Variants in PCDHA9 observed in about 807,000 individuals in gnomAD.
The protein encoded by PCDHA9 is protocadherin alpha-9.
In PCDHA9, 62 loss-of-function variants were observed where a neutral mutation model predicts 62.0. The ratio of observed to expected loss-of-function variants is 1.00; its 90% CI spans 0.81 to 1.23. PCDHA9 has a LOEUF of 1.23. Ranked by LOEUF, PCDHA9 falls within the 50% of genes most tolerant of loss-of-function variation. PCDHA9 has a pLI of 0.00. For synonymous variants in PCDHA9, 557 were observed against 567.6 expected, an observed-to-expected ratio of 0.98 and a Z score of 0.27; for missense variants, 1,205 against 1,249.8, an observed-to-expected ratio of 0.96 and a Z score of 0.54.
intron 1 of PCDHA9, chr5:140,858,229 G>A (rs1335853818): frequency 6.3e-7 from 1 of 1,596,360 alleles, no homozygotes. Context: ...CGCCCACCGA[G>A]GGCGCATGTG....
chr5:140,859,508 T>G (rs1298997050), intron 1 of PCDHA9: 1 of 197,594 alleles, frequency 5.1e-6, no homozygotes, highest in Non-Finnish European at 1.0e-5. Context: ...CTGATACCCA[T>G]GATTTCATTT....
chr5:140,937,511 G>A (rs569896730), intron 1 of PCDHA9, among the ~76,000 whole-genome samples: 2 of 152,166 alleles, frequency 1.3e-5, no homozygotes, highest in Non-Finnish European at 2.9e-5. Context: ...CAGCTACTCA[G>A]GAGGCTGAGG....
In PCDHA9 at chr5:140,922,223, C is replaced by T. The variant is rs115262412; in HGVS notation, c.2395-56726C>T. 8.0e-3 allele frequency among the ~76,000 whole-genome samples: 1,216 copies of T among 152,128 alleles called. 6 individuals are homozygous for T. Among genetic ancestry groups the T allele is most frequent in the African/African-American group, 0.019 (784 of 41,508 alleles). ...ATGAAACTTTGTAAAACATTTGAAC[C>T]TCAACCATGATGTGTATGAAGATAA... On this transcript the variant is annotated intron_variant, in intron 1 of 3. Transcript: ENST00000532602.
intron 1 of PCDHA9, among the ~76,000 whole-genome samples, chr5:140,872,990 A>C (rs987650775): frequency 6.6e-6 from 1 of 152,184 alleles, no homozygotes; most frequent in African/African-American, 2.4e-5. Context: ...AAGATCATTT[A>C]CTTCTGAGTC....
chr5:140,927,933 C>G (rs1273187123), intron 1 of PCDHA9: 2 of 1,614,208 alleles, frequency 1.2e-6, no homozygotes, highest in East Asian at 4.5e-5. Context: ...CTCTTTCGAA[C>G]CCAGTACCTG....
chr5:140,903,415 A>T (rs1303652958), intron 1 of PCDHA9, among the ~76,000 whole-genome samples: 1 of 152,238 alleles, frequency 6.6e-6, no homozygotes, highest in East Asian at 1.9e-4. Flanking sequence ...GTCAGGAAAA[A>T]TTCAGCACAA....
chr5:140,885,525 A>G (rs1206570848), intron 1 of PCDHA9, among the ~76,000 whole-genome samples: 4 of 152,128 alleles, frequency 2.6e-5, no homozygotes, highest in Admixed American at 6.6e-5. Flanking sequence ...ATCATTTCAT[A>G]TATTTCCCAA....
intron 1 of PCDHA9, chr5:140,870,719 C>A (rs782257127): frequency 1.9e-6 from 3 of 1,613,084 alleles, no homozygotes; most frequent in Admixed American, 3.3e-5. Flanking sequence ...GCGCGCGATG[C>A]GGGCGTGCCG....
At chr5:140,870,161 CCTT>C in intron 1 of PCDHA9, 2 of 1,614,124 alleles carry the variant, frequency 1.2e-6, no homozygotes, top group Non-Finnish European at 1.7e-6. Flanking sequence ...GCCGTGACTT[CCTT>C]GTCCCTCCCA....
At chr5:140,985,020 C>G (rs1361661147) in intron 3 of PCDHA9, among the ~76,000 whole-genome samples, 1 of 152,110 alleles carries the variant, frequency 6.6e-6, no homozygotes, top group Non-Finnish European at 1.5e-5. Flanking sequence ...TCACAGCAAC[C>G]TCTGCCTCCT....
At chr5:140,992,208 A>G (rs2097499240) in intron 3 of PCDHA9, among the ~76,000 whole-genome samples, 1 of 152,150 alleles carries the variant, frequency 6.6e-6, no homozygotes, top group African/African-American at 2.4e-5. Context: ...AATCAGATAA[A>G]CTACTCTCCC....
At chr5:140,971,632 A>G (rs1228797401) in intron 1 of PCDHA9, among the ~76,000 whole-genome samples, 2 of 152,158 alleles carry the variant, frequency 1.3e-5, no homozygotes, top group Admixed American at 6.5e-5. Context: ...AATTAGTACC[A>G]TGTGCCTACA....
At chr5:140,916,978 C>T (rs907014572) in intron 1 of PCDHA9, among the ~76,000 whole-genome samples, 13 of 152,270 alleles carry the variant, frequency 8.5e-5, no homozygotes, top group South Asian at 2.1e-4. Context: ...ATGAGTGATT[C>T]GCCTCTGGCC....
intron 1 of PCDHA9, among the ~76,000 whole-genome samples, chr5:140,959,857 T>G (rs1287315295): frequency 1.3e-5 from 2 of 152,204 alleles, no homozygotes; most frequent in African/African-American, 2.4e-5. Flanking sequence ...AAAGGAATTA[T>G]GTAGCAAAAT....
chr5:140,851,304 C>T (rs2042021311), intron 1 of PCDHA9: 1 of 1,006,386 alleles, frequency 9.9e-7, no homozygotes, highest in East Asian at 6.6e-5. Context: ...AAATATATAG[C>T]AATTGTTACC....
At chr5:140,967,820 C>A (rs1162525542) in intron 1 of PCDHA9, 29 of 1,614,052 alleles carry the variant, frequency 1.8e-5, no homozygotes, top group Non-Finnish European at 2.5e-5. Context: ...CTGCAAGGTG[C>A]TGGTGGACAT....
chr5:141,010,105 G>A lies in PCDHA9; in HGVS notation c.*168G>A. 6.2e-7 allele frequency: 1 copy of A among 1,612,150 alleles called. No homozygotes were observed. Among genetic ancestry groups the A allele is most frequent in the African/African-American group, 1.3e-5 (1 of 74,962 alleles). The stretch of plus-strand genomic sequence containing the variant: ...GTCTAGAACGCATTTAACAGGTTTT[G>A]TCGTAAAAGCTTTACTAAGTCTGGT... On this transcript the variant is annotated 3_prime_UTR_variant, in exon 4 of 4. Transcript: ENST00000532602.
At chr5:140,851,779 T>A in intron 1 of PCDHA9, 1 of 965,446 alleles carries the variant, frequency 1.0e-6, no homozygotes, top group South Asian at 4.8e-5. Flanking sequence ...TGAATTTAGA[T>A]GAGAATTCAC....
At chr5:140,874,161 A>G (rs1173333729) in intron 1 of PCDHA9, among the ~76,000 whole-genome samples, 1 of 152,042 alleles carries the variant, frequency 6.6e-6, no homozygotes, top group Non-Finnish European at 1.5e-5. Context: ...ATTCTTGGTT[A>G]CTCTTTCCTG....
Sources: allele counts gnomAD v4.1 joint callset (sites outside exome capture counted in the v4.1 genomes callset), GRCh38; gene constraint gnomAD v4.1.1; transcripts MANE v1.5; gene names NCBI Gene and HGNC (gene_info 2026-07-23, HGNC 2026-07-21).